SBF1: variants seen among roughly 807,000 people sequenced by gnomAD.
SBF1 encodes SET binding factor 1.
Under a neutral mutation model 215.8 loss-of-function variants are expected in SBF1, and 65 were observed. That is an observed-to-expected ratio of 0.30 (90% CI 0.25 to 0.37). The LOEUF (loss-of-function observed/expected upper bound fraction) is 0.37. SBF1 is among the 10% of genes least tolerant of loss of function. The pLI is 1.00. For missense variants in SBF1, 2,634 were observed against 2,667.8 expected (o/e 0.99, Z 0.28); for synonymous variants, 1,410 against 1,122.8 (o/e 1.26, Z -5.11).
Position 50,447,432 on chromosome 22 carries a change from C to T in SBF1, c.5473G>A (p.Val1825Met), listed in dbSNP as rs755463300. The T allele has an allele frequency of 6.2e-7, 1 of 1,613,956 alleles. No individual in the cohort carries two copies. Among genetic ancestry groups the T allele is most frequent in the South Asian group, 1.1e-5 (1 of 91,084 alleles). The change falls in exon 40 of 41, where the codon GTG (valine) becomes ATG (methionine). Residue 1825 changes from valine to methionine, a missense_variant. Coordinates refer to ENST00000380817, the MANE Select transcript of SBF1 (RefSeq NM_002972.4). ...KHQLRYYDHR[V>M]DTECKGVIDL... Reference sequence around the variant, plus strand: ...ATGACACCCTTGCACTCTGTGTCCACACGGTGGTCGTAGTAGCGCAGCTGG... The same window carrying T: ...ATGACACCCTTGCACTCTGTGTCCATACGGTGGTCGTAGTAGCGCAGCTGG...
chr22:50,465,186 AC>A, intron 11 of SBF1, 28 bp downstream of exon 11: 1 of 1,612,676 alleles, frequency 6.2e-7, no homozygotes, highest in South Asian at 1.1e-5. Flanking sequence ...CTTATCTCCT[AC>A]CCCACGCCCA....
intron 1 of SBF1, among the ~76,000 whole-genome samples, chr22:50,469,523 C>T (rs1199776101): frequency 2.6e-5 from 4 of 152,350 alleles, no homozygotes; most frequent in Middle Eastern, 6.8e-3. Flanking sequence ...GTGGCTCCCG[C>T]AGCAGGACGG....
chr22:50,453,758 G>A (rs1476399899), intron 36 of SBF1, among the ~76,000 whole-genome samples: 1 of 152,068 alleles, frequency 6.6e-6, no homozygotes, highest in Admixed American at 6.6e-5. Flanking sequence ...CTACACTCCA[G>A]CCTGGGCGAC....
In SBF1 at chr22:50,465,852, G is replaced by C. The variant is rs781572997; in HGVS notation, c.1012-12C>G. On this transcript the variant is annotated splice_polypyrimidine_tract_variant and intron_variant, in intron 9 of 40. Transcript: ENST00000380817. ...TCCGGGTCCAGGACCTGCCAGCACA[G>C]AATGGAGCAGGCAGCTGCACGCTGG... 6 of 1,613,064 alleles carry C rather than the reference G, an allele frequency of 3.7e-6. No homozygotes were observed. The highest frequency in any genetic ancestry group is 5.1e-6 in the Non-Finnish European group (6 of 1,179,630).
intron 36 of SBF1, among the ~76,000 whole-genome samples, chr22:50,450,850 G>A (rs1603430579): frequency 6.6e-6 from 1 of 152,234 alleles, no homozygotes; most frequent in African/African-American, 2.4e-5. Context: ...GCTCCCGCCT[G>A]TAAGCCCAGC....
At chr22:50,465,369 A>C in intron 10 of SBF1, 41 bp from the exon 11 acceptor site, 2 of 1,514,070 alleles carry the variant, frequency 1.3e-6, no homozygotes, top group South Asian at 2.4e-5. Flanking sequence ...CAGTCCTGCC[A>C]ATCCCCACCC....
rs761035565 is a variant in SBF1, at chr22:50,460,672, C to A, written c.3008G>T (p.Ser1003Ile). ...MAFDEEVGSD[S>I]AELFRKQLHK... Reference sequence around the variant, plus strand: ...CAGCTGCTTACGGAAGAGCTCGGCGCTGTCAGACCCCACCTCCTCGTCAAA... The same window carrying A: ...CAGCTGCTTACGGAAGAGCTCGGCGATGTCAGACCCCACCTCCTCGTCAAA... Residue 1003 changes from serine to isoleucine, a missense_variant, in exon 24 of 41, where the codon AGC becomes ATC. Ser to Ile is a moderately radical substitution (Grantham distance 142, BLOSUM62 -2). Transcript: ENST00000380817. 1.2e-5 allele frequency: 20 copies of A among 1,613,760 alleles called. No homozygotes were observed. The highest frequency in any genetic ancestry group is 5.3e-5 in the African/African-American group (4 of 74,944).
At chr22:50,474,661 G>C (rs1203120375) in intron 1 of SBF1, 125 bp downstream of exon 1, 4 of 599,306 alleles carry the variant, frequency 6.7e-6, no homozygotes, top group East Asian at 1.2e-4. Context: ...CTCAGTCCTC[G>C]GCCTCCCGAC....
chr22:50,449,112 C>T (rs1348119474), intron 36 of SBF1, among the ~76,000 whole-genome samples: 1 of 151,610 alleles, frequency 6.6e-6, no homozygotes, highest in Non-Finnish European at 1.5e-5. Context: ...GCGGAGGTTG[C>T]GGTGAGCCGA....
chr22:50,448,446 TG>T lies in SBF1; in HGVS notation c.5152-3del. On this transcript the variant is annotated splice_region_variant and splice_polypyrimidine_tract_variant and intron_variant, in intron 37 of 40. Transcript: ENST00000380817. The stretch of plus-strand genomic sequence containing the variant: ...CACAAGGAGGGAGCTAGGGGTGCCC[TG>T]GGAACAGGAGGTTGGGACTTGGGTC... 1 of 1,613,514 alleles carries T rather than the reference TG, an allele frequency of 6.2e-7. No individual in the cohort carries two copies. Among genetic ancestry groups the T allele is most frequent in the Non-Finnish European group, 8.5e-7 (1 of 1,179,802 alleles).
intron 1 of SBF1, among the ~76,000 whole-genome samples, chr22:50,473,516 A>G (rs1056623348): frequency 4.6e-5 from 7 of 152,212 alleles, no homozygotes; most frequent in Non-Finnish European, 7.3e-5. Flanking sequence ...ACGGTGCCAT[A>G]AGACACACAC....
At chr22:50,448,738 C>T in intron 36 of SBF1, 88 bp from the exon 37 acceptor site, 3 of 1,112,352 alleles carry the variant, frequency 2.7e-6, no homozygotes, top group Non-Finnish European at 4.0e-6. Context: ...AGGAAAGAGA[C>T]ACAACGGAAA....
At chr22:50,451,446 T>C (rs1285232137) in intron 36 of SBF1, among the ~76,000 whole-genome samples, 1 of 152,054 alleles carries the variant, frequency 6.6e-6, no homozygotes, top group East Asian at 1.9e-4. Context: ...TCATCCAAAA[T>C]GAATTGCAAA....
chr22:50,468,784 C>A (rs2067887785), intron 1 of SBF1, among the ~76,000 whole-genome samples: 1 of 151,992 alleles, frequency 6.6e-6, no homozygotes, highest in Non-Finnish European at 1.5e-5. Flanking sequence ...TCCACAGGCC[C>A]CCACAGCATC....
intron 36 of SBF1, among the ~76,000 whole-genome samples, chr22:50,451,337 C>A (rs1020698041): frequency 6.6e-6 from 1 of 151,974 alleles, no homozygotes; most frequent in Non-Finnish European, 1.5e-5. Flanking sequence ...AGAGCAAGAC[C>A]CTGTCTCAAG....
At chr22:50,453,679 C>T (rs541887283) in intron 36 of SBF1, among the ~76,000 whole-genome samples, 1 of 152,060 alleles carries the variant, frequency 6.6e-6, no homozygotes, top group East Asian at 1.9e-4. Flanking sequence ...CCCAGCTACT[C>T]GAGAGGCTGA....
rs1241426402 is a variant in SBF1, at chr22:50,474,847, G to A, written c.-7C>T. ...AGTCCGCGAGCCGCGCCATGGCGAGGGACGCGGGGCGGCCCGAGGGGCGCG... is the reference window on the plus strand; with the variant it reads ...AGTCCGCGAGCCGCGCCATGGCGAGAGACGCGGGGCGGCCCGAGGGGCGCG... On this transcript the variant is annotated 5_prime_UTR_variant, in exon 1 of 41. Transcript: ENST00000380817. 1.4e-6 allele frequency: 2 copies of A among 1,420,042 alleles called. No individual in the cohort carries two copies. The highest frequency in any genetic ancestry group is 2.5e-4 in the Middle Eastern group (1 of 3,966). The allele number at this position is 1,420,042 out of a possible 1,614,324, so 88.0% of individuals were successfully genotyped here.
At chr22:50,465,393 A>G in intron 10 of SBF1, 65 bp from the exon 11 acceptor site, 1 of 1,419,034 alleles carries the variant, frequency 7.0e-7, no homozygotes. Context: ...GCTGCCCAGG[A>G]GCTTCTCCAC....
In SBF1 at chr22:50,465,144, G is replaced by A. The variant is rs746534017; in HGVS notation, c.1204-15C>T. On this transcript the variant is annotated splice_polypyrimidine_tract_variant and intron_variant, in intron 11 of 40. Transcript: ENST00000380817. ...AGGAAGGCTGCCTGGATGACAGAAG[G>A]AGGTCGGTCCCTCAGGGGTCTCCAC... 1.2e-6 allele frequency: 2 copies of A among 1,613,974 alleles called. No individual in the cohort carries two copies. The highest frequency in any genetic ancestry group is 2.2e-5 in the East Asian group (1 of 44,882).
Sources: gnomAD v4.1 joint callset for allele counts (sites outside exome capture counted in the v4.1 genomes callset) on GRCh38, gnomAD v4.1.1 for gene constraint, MANE v1.5 for transcripts, NCBI Gene and HGNC (gene_info 2026-07-23, HGNC 2026-07-21) for gene names.